SLC5A9: variants seen among roughly 807,000 people sequenced by gnomAD.
SLC5A9 encodes the protein sodium/glucose cotransporter 4.
A neutral mutation model predicts 70.9 loss-of-function variants in SLC5A9; 59 were observed. The observed-to-expected ratio is 0.83, with a 90% CI of 0.68 to 1.03. The LOEUF is 1.03. SLC5A9 is among the 50% of genes least tolerant of loss of function. The pLI is 0.00. For missense variants in SLC5A9, 832 were observed against 881.1 expected (o/e 0.94, Z 0.71); for synonymous variants, 340 against 346.5 (o/e 0.98, Z 0.21).
intron 10 of SLC5A9, among the ~76,000 whole-genome samples, chr1:48,237,253 G>C (rs1176483804): frequency 6.6e-6 from 1 of 151,178 alleles, no homozygotes; most frequent in Non-Finnish European, 1.5e-5. Flanking sequence ...GTGGAGGAAG[G>C]AGCAGTCCCT....
In SLC5A9 at chr1:48,237,806, C is replaced by G. The variant is rs138167685; in HGVS notation, c.1420C>G (p.Leu474Val). 3.1e-4 allele frequency: 503 copies of G among 1,614,144 alleles called. 1 individual carries two copies. Among genetic ancestry groups the G allele is most frequent in the Non-Finnish European group, 4.0e-4 (475 of 1,180,026 alleles). ...TTACCTGGCCCCACCCATCACCGCT[C>G]TCTTCCTGCTGGCCATCTTCTGCAA... ...TSYLAPPITA[L>V]FLLAIFCKRV... Residue 474 changes from leucine to valine, a missense_variant, in exon 11 of 14, where the codon CTC becomes GTC. Leu to Val is a conservative substitution (Grantham distance 32, BLOSUM62 1). Transcript: ENST00000438567.
intron 7 of SLC5A9, 95 bp downstream of exon 7, chr1:48,232,246 C>T (rs2148573704): frequency 6.4e-7 from 1 of 1,553,742 alleles, no homozygotes; most frequent in Non-Finnish European, 8.7e-7. Context: ...GGTTGGACCT[C>T]ATTCTGGGAT....
rs777536381 is a variant in SLC5A9 at position 48,235,714 on chromosome 1, C to T, written c.1142-15C>T. Reference sequence around the variant, plus strand: ...TAATGGGCCAGCCGTTCACATGAGCCTCGTCTCTCCCCAGGTCTGCGGGGG... The same window carrying T: ...TAATGGGCCAGCCGTTCACATGAGCTTCGTCTCTCCCCAGGTCTGCGGGGG... On this transcript the variant is annotated splice_polypyrimidine_tract_variant and intron_variant, in intron 9 of 13. Coordinates refer to ENST00000438567, the MANE Select transcript of SLC5A9 (RefSeq NM_001011547.3). 21 of 1,613,958 alleles carry T rather than the reference C, an allele frequency of 1.3e-5. No homozygotes were observed. Among genetic ancestry groups the T allele is most frequent in the Non-Finnish European group, 1.8e-5 (21 of 1,179,954 alleles).
intron 1 of SLC5A9, among the ~76,000 whole-genome samples, chr1:48,224,275 ACAGT>A (rs962638601): frequency 1.3e-5 from 2 of 152,172 alleles, no homozygotes; most frequent in African/African-American, 4.8e-5. Flanking sequence ...TCAAAGTCTC[ACAGT>A]CAAACTGCAG....
At chr1:48,245,284 CT>C (rs2148591546) in intron 13 of SLC5A9, among the ~76,000 whole-genome samples, 1 of 152,166 alleles carries the variant, frequency 6.6e-6, no homozygotes, top group African/African-American at 2.4e-5. Flanking sequence ...ACAGCTTGTA[CT>C]TTCCCACGGC....
chr1:48,237,312 T>A (rs560298862), intron 10 of SLC5A9, among the ~76,000 whole-genome samples: 9 of 124,552 alleles, frequency 7.2e-5, no homozygotes, highest in Non-Finnish European at 1.4e-4. Context: ...AGGGCAGGGA[T>A]GGAAAAGAGA....
chr1:48,243,314 A>C (rs1644413863), intron 13 of SLC5A9, among the ~76,000 whole-genome samples: 1 of 152,022 alleles, frequency 6.6e-6, no homozygotes, highest in Non-Finnish European at 1.5e-5. Context: ...TTCCTACAAA[A>C]CACCCTCCCA....
At position 48,247,778 on chromosome 1, in the gene SLC5A9, C is replaced by A. The variant is rs914064082; in HGVS notation, c.*235C>A. 3 of 572,584 alleles carry A rather than the reference C, an allele frequency of 5.2e-6. No individual in the cohort carries two copies. The highest frequency in any genetic ancestry group is 9.4e-6 in the Non-Finnish European group (3 of 319,956). The allele number at this position is 572,584 out of a possible 1,614,324, so 35.5% of individuals were successfully genotyped here. Reference sequence around the variant, plus strand: ...CCCAGAAGGTGTCACACGGGGTTTCCCCACTCTTTCTGATATATTGCCTTA... The same window carrying A: ...CCCAGAAGGTGTCACACGGGGTTTCACCACTCTTTCTGATATATTGCCTTA... On this transcript the variant is annotated 3_prime_UTR_variant, in exon 14 of 14. Transcript: ENST00000438567.
intron 13 of SLC5A9, 106 bp from the exon 14 acceptor site, chr1:48,247,229 T>C: frequency 9.8e-7 from 1 of 1,021,416 alleles, no homozygotes; most frequent in African/African-American, 1.6e-5. Context: ...TCCATCAGTA[T>C]CTCACCATCT....
At position 48,247,446 on chromosome 1, in the gene SLC5A9, C is replaced by A; in HGVS notation, c.1949C>A (p.Thr650Lys). The A allele has an allele frequency of 6.2e-7, 1 of 1,614,178 alleles. No individual in the cohort carries two copies. The highest frequency in any genetic ancestry group is 1.6e-4 in the Middle Eastern group (1 of 6,062). The part of the protein sequence containing the change: ...AEKAALEQKL[T>K]SIEEEPLWRH... Reference sequence around the variant, plus strand: ...AAGGCTGCGCTAGAACAGAAGCTGACAAGCATTGAGGAGGAGCCACTCTGG... The same window carrying A: ...AAGGCTGCGCTAGAACAGAAGCTGAAAAGCATTGAGGAGGAGCCACTCTGG... The change falls in exon 14 of 14, where the codon ACA becomes AAA. Residue 650 changes from threonine (T) to lysine (K), a missense_variant. Physicochemically the swap from Thr to Lys is moderately conservative, Grantham distance 78 (BLOSUM62 -1). Transcript: ENST00000438567.
chr1:48,246,261 C>T (rs992046638), intron 13 of SLC5A9, among the ~76,000 whole-genome samples: 2 of 152,116 alleles, frequency 1.3e-5, no homozygotes, highest in Admixed American at 6.5e-5. Context: ...TTCCTATTAT[C>T]GTTAGTGCAG....
At chr1:48,227,452 G>A (rs559197281) in intron 2 of SLC5A9, among the ~76,000 whole-genome samples, 1 of 76,708 alleles carries the variant, frequency 1.3e-5, no homozygotes, top group East Asian at 5.9e-4. Context: ...GTGTATGTGT[G>A]AGAGAGTGTG....
chr1:48,235,287 G>A (rs1054160733), intron 9 of SLC5A9, among the ~76,000 whole-genome samples: 1 of 152,136 alleles, frequency 6.6e-6, no homozygotes, highest in Non-Finnish European at 1.5e-5. Flanking sequence ...AATGAAGAAG[G>A]TATGGAAACA....
At chr1:48,246,866 C>T (rs1644465504) in intron 13 of SLC5A9, among the ~76,000 whole-genome samples, 1 of 152,236 alleles carries the variant, frequency 6.6e-6, no homozygotes, top group African/African-American at 2.4e-5. Flanking sequence ...CAGCTAATGG[C>T]AGAGCTGGCC....
intron 2 of SLC5A9, chr1:48,228,097 A>G (rs141517192): frequency 2.0e-5 from 3 of 152,194 alleles, no homozygotes; most frequent in African/African-American, 7.2e-5. Context: ...GGCAAGCACC[A>G]TTTGTGTAGT....
intron 13 of SLC5A9, 68 bp downstream of exon 13, chr1:48,242,684 G>T: frequency 7.0e-7 from 1 of 1,428,642 alleles, no homozygotes; most frequent in Non-Finnish European, 9.3e-7. Context: ...TGTCATGGGC[G>T]GTCTTTGGGA....
intron 1 of SLC5A9, among the ~76,000 whole-genome samples, chr1:48,224,371 C>A (rs1255795164): frequency 6.6e-6 from 1 of 152,214 alleles, no homozygotes; most frequent in Non-Finnish European, 1.5e-5. Context: ...GTGAGCACTA[C>A]ACATCTAAGG....
At chr1:48,228,579 AC>A (rs1334460081) in intron 2 of SLC5A9, 7 of 434,636 alleles carry the variant, frequency 1.6e-5, no homozygotes, top group Non-Finnish European at 2.9e-5. Flanking sequence ...CTTCCTTCCC[AC>A]TTTCCCTTTT....
At chr1:48,235,691 A>G (rs1397008248) in intron 9 of SLC5A9, 38 bp from the exon 10 acceptor site, 1 of 1,612,208 alleles carries the variant, frequency 6.2e-7, no homozygotes, top group Admixed American at 1.7e-5. Context: ...GCCGGCCTTA[A>G]TGGGCCAGCC....
Sources: gnomAD v4.1 joint callset for allele counts (sites outside exome capture counted in the v4.1 genomes callset) on GRCh38, gnomAD v4.1.1 for gene constraint, MANE v1.5 for transcripts, NCBI Gene and HGNC (gene_info 2026-07-23, HGNC 2026-07-21) for gene names.